The following CSMD1 variants were observed in gnomAD, a reference collection of about 807,000 sequenced individuals.
CSMD1 encodes the protein CUB and Sushi multiple domains 1.
CSMD1 carries 213 observed loss-of-function variants against 417.5 expected under a neutral mutation model. The observed-to-expected ratio is 0.51, with a 90% CI of 0.46 to 0.57. CSMD1 has a LOEUF of 0.57. Among genes scored for constraint, CSMD1 ranks in the 20% least tolerant of loss-of-function variants. The probability of loss-of-function intolerance (pLI) is 0.00; values close to 1 mark genes in which losing one functional copy is unlikely to be tolerated. For missense variants in CSMD1, 6,923 were observed against 4,529.7 expected (o/e 1.53, Z -15.17); for synonymous variants, 2,862 against 1,736.8 (o/e 1.65, Z -16.11).
At chr8:3,336,989 T>G (rs1409837848) in intron 23 of CSMD1, among the ~76,000 whole-genome samples, 1 of 152,146 alleles carries the variant, frequency 6.6e-6, no homozygotes, top group Non-Finnish European at 1.5e-5. Context: ...CTATATAAAT[T>G]AGACAGGAGC....
intron 59 of CSMD1, among the ~76,000 whole-genome samples, chr8:2,964,935 A>G (rs568177950): frequency 2.4e-4 from 37 of 152,258 alleles, no homozygotes; most frequent in African/African-American, 8.7e-4. Context: ...TGAGTGTCCT[A>G]ACTCTCCCTC....
intron 8 of CSMD1, among the ~76,000 whole-genome samples, chr8:3,603,326 A>AT (rs1260565377): frequency 3.3e-5 from 5 of 152,018 alleles, no homozygotes; most frequent in South Asian, 2.1e-4. Context: ...GTTCCTTAAA[A>AT]TTTTTTTTAA....
intron 8 of CSMD1, among the ~76,000 whole-genome samples, chr8:3,615,407 C>T (rs75847682): frequency 6.6e-6 from 1 of 152,086 alleles, no homozygotes. Flanking sequence ...GACCACTTTT[C>T]CAATAAATCA....
intron 56 of CSMD1, 96 bp from the exon 57 acceptor site, chr8:2,973,395 TTG>T: frequency 7.8e-7 from 1 of 1,285,412 alleles, no homozygotes; most frequent in South Asian, 1.4e-5. Context: ...TTGTTGAAAT[TTG>T]TGTTTCACAT....
At chr8:3,748,309 C>A (rs982058390) in intron 6 of CSMD1, among the ~76,000 whole-genome samples, 46 of 152,124 alleles carry the variant, frequency 3.0e-4, no homozygotes, top group African/African-American at 1.1e-3. Context: ...TAATATATTT[C>A]AGTAATTTAT....
chr8:4,971,064 A>G (rs1233647500), intron 1 of CSMD1, among the ~76,000 whole-genome samples: 1 of 152,038 alleles, frequency 6.6e-6, no homozygotes, highest in Admixed American at 6.6e-5. Context: ...TTTGGTCTTA[A>G]CTATGTCTGT....
intron 1 of CSMD1, among the ~76,000 whole-genome samples, chr8:4,937,586 G>A (rs1430906797): frequency 6.6e-6 from 1 of 152,162 alleles, no homozygotes; most frequent in East Asian, 1.9e-4. Context: ...AACAAAGATA[G>A]GAAAAGTCCC....
intron 5 of CSMD1, among the ~76,000 whole-genome samples, chr8:3,874,360 T>A (rs1210713876): frequency 6.6e-6 from 1 of 152,204 alleles, no homozygotes; most frequent in Non-Finnish European, 1.5e-5. Flanking sequence ...ATTGTCTGTA[T>A]TTAGAACTCT....
At chr8:4,888,537 T>G (rs1257981181) in intron 1 of CSMD1, among the ~76,000 whole-genome samples, 1 of 151,960 alleles carries the variant, frequency 6.6e-6, no homozygotes, top group Non-Finnish European at 1.5e-5. Flanking sequence ...GAGGTATGTG[T>G]GTGTTTATGT....
At chr8:4,321,883 A>G (rs1563451259) in intron 3 of CSMD1, among the ~76,000 whole-genome samples, 2 of 152,082 alleles carry the variant, frequency 1.3e-5, no homozygotes, top group African/African-American at 4.8e-5. Context: ...ATAATATATC[A>G]TCATTGTGAT....
rs533107263 is a variant in CSMD1 at position 3,279,472 on chromosome 8, C to G, written c.4153+4672G>C. ...CACTCACAGGCATTTCATATGCTTG[C>G]CAAGGTCCTTTACAGAACTGTATTT... is the stretch of plus-strand genomic sequence containing the variant. On this transcript the variant is annotated intron_variant, in intron 26 of 69. Coordinates refer to ENST00000635120, the MANE Select transcript of CSMD1 (RefSeq NM_033225.6). Among the ~76,000 whole-genome samples, 6 of 152,232 alleles carry G rather than the reference C, an allele frequency of 3.9e-5. No homozygotes were observed. The East Asian group carries it at 1.2e-3, about 29-fold the overall frequency.
At chr8:4,111,458 G>A (rs1442167642) in intron 3 of CSMD1, among the ~76,000 whole-genome samples, 1 of 152,146 alleles carries the variant, frequency 6.6e-6, no homozygotes, top group Non-Finnish European at 1.5e-5. Context: ...AATGGGAAAA[G>A]CACATGCACG....
chr8:3,090,128 C>CA (rs1814833965), intron 48 of CSMD1, among the ~76,000 whole-genome samples: 2 of 151,888 alleles, frequency 1.3e-5, no homozygotes, highest in Non-Finnish European at 2.9e-5. Flanking sequence ...TCCTGGCTAA[C>CA]ACGGTGAAAC....
At chr8:3,156,700 C>T (rs1563094308) in intron 39 of CSMD1, among the ~76,000 whole-genome samples, 1 of 151,996 alleles carries the variant, frequency 6.6e-6, no homozygotes, top group Non-Finnish European at 1.5e-5. Flanking sequence ...CTATGATGAA[C>T]AAAATATGAA....
intron 2 of CSMD1, among the ~76,000 whole-genome samples, chr8:4,631,936 T>C (rs746062082): frequency 4.6e-5 from 7 of 152,194 alleles, no homozygotes; most frequent in Non-Finnish European, 8.8e-5. Flanking sequence ...TCTCCCTTCA[T>C]AGATTCGCCT....
chr8:4,775,960 A>G (rs1796834133), intron 1 of CSMD1, among the ~76,000 whole-genome samples: 1 of 152,240 alleles, frequency 6.6e-6, no homozygotes, highest in Non-Finnish European at 1.5e-5. Context: ...GTCCATGACC[A>G]ACATTAAATG....
chr8:4,335,745 G>A (rs529461321), intron 3 of CSMD1, among the ~76,000 whole-genome samples: 1 of 152,182 alleles, frequency 6.6e-6, no homozygotes, highest in East Asian at 1.9e-4. Flanking sequence ...AGGGCTCACG[G>A]CAACAAGATA....
At chr8:3,327,154 T>A (rs1031522963) in intron 23 of CSMD1, among the ~76,000 whole-genome samples, 3 of 152,148 alleles carry the variant, frequency 2.0e-5, no homozygotes, top group Admixed American at 1.3e-4. Flanking sequence ...CATCTTTTTT[T>A]TTTTTTGAAA....
chr8:4,157,568 T>G (rs763422721), intron 3 of CSMD1, among the ~76,000 whole-genome samples: 2 of 152,116 alleles, frequency 1.3e-5, no homozygotes, highest in Non-Finnish European at 2.9e-5. Flanking sequence ...CATTCCCCCG[T>G]ATTGCTAAGA....
Sources: allele counts gnomAD v4.1 joint callset (sites outside exome capture counted in the v4.1 genomes callset), GRCh38; gene constraint gnomAD v4.1.1; transcripts MANE v1.5; gene names NCBI Gene and HGNC (gene_info 2026-07-23, HGNC 2026-07-21).